Variants in MCF2L observed in about 807,000 individuals in gnomAD.
MCF2L encodes the protein guanine nucleotide exchange factor DBS.
A neutral mutation model predicts 153.4 loss-of-function variants in MCF2L; 97 were observed. That is an observed-to-expected ratio of 0.63 (90% confidence interval 0.54 to 0.75). The LOEUF is 0.75. Among genes scored for constraint, MCF2L ranks in the 30% least tolerant of loss-of-function variants. MCF2L has a pLI of 0.00. For synonymous variants in MCF2L, 659 were observed against 632.2 expected (o/e 1.04, Z -0.64); for missense variants, 1,347 against 1,495.2 (o/e 0.90, Z 1.64).
At chr13:112,895,426 AG>A (rs1203161797) in intron 1 of MCF2L, among the ~76,000 whole-genome samples, 2 of 152,140 alleles carry the variant, frequency 1.3e-5, no homozygotes, top group Non-Finnish European at 2.9e-5. Context: ...CCAGGGCTGC[AG>A]GCTGCAGAGT....
chr13:112,900,434 G>A lies in MCF2L; in HGVS notation c.-4-1765G>A, dbSNP rs376214861. Among the ~76,000 whole-genome samples, 6 of 152,326 alleles carry A rather than the reference G, an allele frequency of 3.9e-5. No homozygotes were observed. In the East Asian group the frequency reaches 7.7e-4, roughly 20 times the overall value. On this transcript the variant is annotated intron_variant, in intron 1 of 29. Transcript: ENST00000375608. The stretch of plus-strand genomic sequence containing the variant: ...AAGTCAGCTGGAGAACACGCCACAC[G>A]TAAACAAAAGACATGTATGAAAAAC...
rs1436720338 is a variant in MCF2L at position 113,046,680 on chromosome 13, C to T, written c.369+1319C>T. Reference sequence around the variant, plus strand: ...CTGTCCCTGAGCCGCTGGTTCTCATCGAAGTCTTTAGGATGAGGCATCTCC... The same window carrying T: ...CTGTCCCTGAGCCGCTGGTTCTCATTGAAGTCTTTAGGATGAGGCATCTCC... On this transcript the variant is annotated intron_variant, in intron 4 of 29. Coordinates refer to ENST00000535094, the MANE Select transcript of MCF2L (RefSeq NM_001112732.3). This position sits in a 1 kb window ranked among gnomAD's most constrained non-coding sequence, Gnocchi z 4.4. The T allele has an allele frequency of 7.5e-6, 4 of 532,486 alleles. No individual in the cohort carries two copies. Among genetic ancestry groups the T allele is most frequent in the East Asian group, 5.5e-5 (1 of 18,328 alleles). 33.0% of individuals were successfully genotyped at this position (532,486 alleles called of 1,614,324 possible).
chr13:113,033,207 C>T (rs112277126), intron 3 of MCF2L, among the ~76,000 whole-genome samples: 63 of 114,326 alleles, frequency 5.5e-4, no homozygotes, highest in South Asian at 8.9e-4. Flanking sequence ...ACGTGAGTGG[C>T]CCCCGTGACA....
chr13:113,018,690 G>C (rs1175292658), intron 2 of MCF2L, among the ~76,000 whole-genome samples: 1 of 152,220 alleles, frequency 6.6e-6, no homozygotes, highest in Non-Finnish European at 1.5e-5. Context: ...AAACAGGGCG[G>C]GAGAATTTAC....
In MCF2L at chr13:112,907,537, T is replaced by G. The variant is rs968758866; in HGVS notation, c.169+5166T>G. On this transcript the variant is annotated intron_variant, in intron 2 of 29. Transcript: ENST00000375608. The surrounding 1 kb of genome is among the most constrained non-coding windows in gnomAD (Gnocchi z 5.1). The stretch of plus-strand genomic sequence containing the variant: ...TGGCAACTGTGGCCTTTGCAGGGGC[T>G]GTAGTTGTGCATTCGTGAATCTGAC... Among the ~76,000 whole-genome samples the G allele has an allele frequency of 1.3e-5, 2 of 152,162 alleles. No individual in the cohort carries two copies. The highest frequency in any genetic ancestry group is 3.9e-4 in the East Asian group (2 of 5,190).
chr13:113,033,593 CCT>C lies in MCF2L; in HGVS notation c.278+8836_278+8837del, dbSNP rs1566774155. Reference sequence around the variant, plus strand: ...TGGTGTTCTGTCTGTGAGATTGTGCCCTGTTTCTGGCAGTTCTCAAATGCTCC... The same window carrying C: ...TGGTGTTCTGTCTGTGAGATTGTGCCGTTTCTGGCAGTTCTCAAATGCTCC... On this transcript the variant is annotated intron_variant, in intron 3 of 29. Coordinates refer to ENST00000535094, the MANE Select transcript of MCF2L (RefSeq NM_001112732.3). Among the ~76,000 whole-genome samples, 5 of 152,178 alleles carry C rather than the reference CCT, an allele frequency of 3.3e-5. No homozygotes were observed. The South Asian group carries it at 8.3e-4, about 25-fold the overall frequency.
At chr13:113,039,816 G>A in intron 3 of MCF2L, among the ~76,000 whole-genome samples, 1 of 152,206 alleles carries the variant, frequency 6.6e-6, no homozygotes, top group African/African-American at 2.4e-5. Flanking sequence ...AAACCATGGA[G>A]CAACCAGAAG....
intron 7 of MCF2L, 128 bp from the exon 8 acceptor site, chr13:113,065,918 C>G: frequency 1.0e-6 from 1 of 979,266 alleles, no homozygotes; most frequent in Non-Finnish European, 1.5e-6. Flanking sequence ...TGGGAAGACT[C>G]GGGGGTCGGG....
At chr13:112,940,929 G>T (rs1437105297) in intron 2 of MCF2L, among the ~76,000 whole-genome samples, 1 of 152,124 alleles carries the variant, frequency 6.6e-6, no homozygotes. Flanking sequence ...TTTGCTCTGG[G>T]GTCATGATCG....
intron 13 of MCF2L, 72 bp from the exon 14 acceptor site, chr13:113,078,291 C>T (rs2033720602): frequency 7.8e-7 from 1 of 1,282,966 alleles, no homozygotes; most frequent in Non-Finnish European, 1.1e-6. Flanking sequence ...GGGGCCTTTT[C>T]CCGCTGGGTG....
In MCF2L at chr13:113,001,616, G is replaced by A. The variant is rs1053413591; in HGVS notation, c.80-13147G>A. The A allele has an allele frequency of 3.0e-5, 35 of 1,170,930 alleles. No homozygotes were observed. In the Admixed American group the frequency reaches 3.4e-4, roughly 11 times the overall value. 72.5% of individuals were successfully genotyped at this position (1,170,930 alleles called of 1,614,324 possible). ...GGAGGGTCTAGACAAGCAACACCAG[G>A]AACCTGAAGCCTCCCTGGCCGGGGC... On this transcript the variant is annotated intron_variant, in intron 1 of 29. Coordinates refer to ENST00000535094, the MANE Select transcript of MCF2L (RefSeq NM_001112732.3).
At chr13:112,927,618 C>T (rs1049033448) in intron 2 of MCF2L, among the ~76,000 whole-genome samples, 2 of 152,216 alleles carry the variant, frequency 1.3e-5, no homozygotes, top group African/African-American at 4.8e-5. Context: ...AAGCTGCTGG[C>T]ATCACAGAAG....
chr13:113,041,862 C>T (rs1256058840), intron 3 of MCF2L, among the ~76,000 whole-genome samples: 2 of 152,088 alleles, frequency 1.3e-5, no homozygotes, highest in African/African-American at 2.4e-5. Context: ...ATTAGGAGGC[C>T]GCCAGGGTGG....
rs191245135 is a variant in MCF2L at position 112,987,159 on chromosome 13, C to T, written c.79+17701C>T. ...CCATTCCTTCACCCGGCTGCAGGGCCGCAGACAGCACGGGCCGCAGGGTCT... is the reference window on the plus strand; with the variant it reads ...CCATTCCTTCACCCGGCTGCAGGGCTGCAGACAGCACGGGCCGCAGGGTCT... On this transcript the variant is annotated intron_variant, in intron 1 of 29. Coordinates refer to ENST00000535094, the MANE Select transcript of MCF2L (RefSeq NM_001112732.3). 3.9e-5 allele frequency among the ~76,000 whole-genome samples: 6 copies of T among 152,234 alleles called. No homozygotes were observed. In the East Asian group the frequency reaches 1.2e-3, roughly 29 times the overall value.
In MCF2L at chr13:113,070,143, G is replaced by T; in HGVS notation, c.966G>T (p.Gln322His). 6.2e-7 allele frequency: 1 copy of T among 1,604,322 alleles called. No individual in the cohort carries two copies. Among genetic ancestry groups the T allele is most frequent in the Non-Finnish European group, 8.5e-7 (1 of 1,176,668 alleles). Reference protein sequence around the residue: ...KHQQKLEQCLQLRHFEQGFRE... With the variant: ...KHQQKLEQCLHLRHFEQGFRE... ...AGCAGAAACTGGAGCAGTGTCTGCA[G>T]CTCCGGCACTTTGAGCAGGGCTTCC... Residue 322 changes from glutamine to histidine, a missense_variant, in exon 9 of 30, where the codon CAG (glutamine) becomes CAT (histidine). Gln to His is a conservative substitution (Grantham distance 24). Coordinates refer to ENST00000535094, the MANE Select transcript of MCF2L (RefSeq NM_001112732.3). This position sits in a 1 kb window ranked among gnomAD's most constrained non-coding sequence, Gnocchi z 5.6.
In MCF2L at chr13:113,045,060, A is replaced by C; in HGVS notation, c.279-211A>C. The C allele has an allele frequency of 9.6e-7, 1 of 1,039,364 alleles. No individual in the cohort carries two copies. Among genetic ancestry groups the C allele is most frequent in the Non-Finnish European group, 1.4e-6 (1 of 709,422 alleles). The allele number at this position is 1,039,364 out of a possible 1,614,324, so 64.4% of individuals were successfully genotyped here. ...AGGCTGAGAAATAAGAACACACCAA[A>C]AGTGCCTGCCCTTCCGTAGATGAGA... On this transcript the variant is annotated intron_variant, in intron 3 of 29. Coordinates refer to ENST00000535094, the MANE Select transcript of MCF2L (RefSeq NM_001112732.3). This position sits in a 1 kb window ranked among gnomAD's most constrained non-coding sequence, Gnocchi z 4.2.
intron 2 of MCF2L, among the ~76,000 whole-genome samples, chr13:112,938,252 G>A (rs1410643597): frequency 9.0e-6 from 1 of 110,748 alleles, no homozygotes; most frequent in Non-Finnish European, 1.9e-5. Context: ...TGGTTCAGGT[G>A]AGCGCTGATG....
intron 2 of MCF2L, among the ~76,000 whole-genome samples, chr13:112,949,010 C>T (rs1471982751): frequency 1.3e-5 from 2 of 152,118 alleles, no homozygotes; most frequent in Non-Finnish European, 1.5e-5. Flanking sequence ...TGCAGTGGGC[C>T]GAGATTGTGC....
intron 1 of MCF2L, among the ~76,000 whole-genome samples, chr13:112,978,310 C>T (rs927347320): frequency 2.3e-4 from 35 of 152,280 alleles, no homozygotes; most frequent in African/African-American, 7.5e-4. Context: ...AGACAGCAAG[C>T]GTCCAGCTGC....
Sources: allele counts gnomAD v4.1 joint callset (sites outside exome capture counted in the v4.1 genomes callset), GRCh38; gene constraint gnomAD v4.1.1; non-coding constraint Gnocchi (gnomAD v3.1); transcripts MANE v1.5; gene names NCBI Gene and HGNC (gene_info 2026-07-23, HGNC 2026-07-21).